The following ADAMTSL1 variants were observed in gnomAD, a reference collection of about 807,000 sequenced individuals.
The protein encoded by ADAMTSL1 is ADAMTS like 1.
ADAMTSL1 carries 126 observed loss-of-function variants against 201.8 expected under a neutral mutation model. The observed-to-expected ratio is 0.62, with a 90% CI of 0.54 to 0.72. The LOEUF is 0.72. ADAMTSL1 is among the 30% of genes least tolerant of loss of function. The probability of loss-of-function intolerance (pLI) is 0.00; values close to 1 mark genes in which losing one functional copy is unlikely to be tolerated. For missense variants in ADAMTSL1, 2,679 were observed against 2,277.8 expected (o/e 1.18, Z -3.59); for synonymous variants, 1,121 against 903.4 (o/e 1.24, Z -4.32).
chr9:18,097,834 T>G (rs1164398717), intron 1 of ADAMTSL1, among the ~76,000 whole-genome samples: 1 of 152,026 alleles, frequency 6.6e-6, no homozygotes, highest in Non-Finnish European at 1.5e-5. Flanking sequence ...TCAAATATAT[T>G]TGTTCACTTT....
chr9:18,908,550 G>A lies in ADAMTSL1; in HGVS notation c.*2G>A. Reference sequence around the variant, plus strand: ...TGTGGAACTTGTGGCAAAGCGTGAAGATAGGGTGTGGGGAAAAACTCTACC... The same window carrying A: ...TGTGGAACTTGTGGCAAAGCGTGAAAATAGGGTGTGGGGAAAAACTCTACC... On this transcript the variant is annotated 3_prime_UTR_variant, in exon 29 of 29. Transcript: ENST00000380548. The A allele has an allele frequency of 1.9e-6, 3 of 1,557,180 alleles. No homozygotes were observed. Among genetic ancestry groups the A allele is most frequent in the Non-Finnish European group, 2.6e-6 (3 of 1,150,208 alleles).
At chr9:18,626,595 GT>G (rs1826371818) in intron 5 of ADAMTSL1, among the ~76,000 whole-genome samples, 2 of 152,194 alleles carry the variant, frequency 1.3e-5, no homozygotes, top group African/African-American at 2.4e-5. Flanking sequence ...ATATTGTGGG[GT>G]TTTTTGTAAG....
intron 2 of ADAMTSL1, among the ~76,000 whole-genome samples, chr9:18,526,557 GTT>G (rs1388248002): frequency 2.0e-5 from 3 of 152,220 alleles, no homozygotes; most frequent in Admixed American, 2.0e-4. Flanking sequence ...AATTTGGCAT[GTT>G]TTTGCAGTGG....
At chr9:18,519,018 T>C (rs1285407020) in intron 2 of ADAMTSL1, among the ~76,000 whole-genome samples, 4 of 152,190 alleles carry the variant, frequency 2.6e-5, no homozygotes, top group African/African-American at 9.7e-5. Context: ...CCTCTCCTGG[T>C]GAGCTCTTTA....
chr9:18,506,647 C>G (rs548188540), intron 2 of ADAMTSL1, among the ~76,000 whole-genome samples: 1 of 152,090 alleles, frequency 6.6e-6, no homozygotes, highest in South Asian at 2.1e-4. Flanking sequence ...TGTTAGGGCT[C>G]TATTATGATA....
intron 23 of ADAMTSL1, among the ~76,000 whole-genome samples, chr9:18,856,743 C>T (rs1826877982): frequency 6.6e-6 from 1 of 152,096 alleles, no homozygotes; most frequent in South Asian, 2.1e-4. Context: ...CAGACGTGAG[C>T]CAGTGTGCCT....
chr9:18,389,167 T>A (rs1321157221), intron 2 of ADAMTSL1, among the ~76,000 whole-genome samples: 27 of 151,406 alleles, frequency 1.8e-4, no homozygotes, highest in Non-Finnish European at 1.0e-4. Context: ...TTTATTTCAA[T>A]AATCCCAATT....
intron 1 of ADAMTSL1, among the ~76,000 whole-genome samples, chr9:18,004,378 C>T (rs972223716): frequency 6.6e-6 from 1 of 151,978 alleles, no homozygotes; most frequent in African/African-American, 2.4e-5. Context: ...AGAGCTCCTT[C>T]TGCAGGTGGT....
intron 17 of ADAMTSL1, among the ~76,000 whole-genome samples, chr9:18,774,129 A>C (rs959602213): frequency 6.6e-6 from 1 of 152,142 alleles, no homozygotes; most frequent in African/African-American, 2.4e-5. Context: ...GCCCTCATTC[A>C]GGCAAGCCTG....
chr9:18,800,147 C>T (rs1043993200), intron 20 of ADAMTSL1, among the ~76,000 whole-genome samples: 19 of 151,996 alleles, frequency 1.3e-4, no homozygotes, highest in African/African-American at 3.4e-4. Flanking sequence ...GAGGCTGAGG[C>T]GGGCAGATGG....
chr9:18,522,192 C>A (rs1410474899), intron 2 of ADAMTSL1, among the ~76,000 whole-genome samples: 6 of 152,144 alleles, frequency 3.9e-5, no homozygotes, highest in African/African-American at 1.4e-4. Flanking sequence ...CTAACAGGTA[C>A]TATGCTCACT....
At chr9:18,698,361 G>A (rs1037238298) in intron 13 of ADAMTSL1, among the ~76,000 whole-genome samples, 3 of 152,032 alleles carry the variant, frequency 2.0e-5, no homozygotes, top group African/African-American at 7.3e-5. Context: ...TCGGCTCACT[G>A]CAACCTCCAC....
At chr9:18,831,264 G>A (rs1224553426) in intron 23 of ADAMTSL1, among the ~76,000 whole-genome samples, 1 of 152,168 alleles carries the variant, frequency 6.6e-6, no homozygotes, top group Non-Finnish European at 1.5e-5. Context: ...ATATCTTGTT[G>A]ATCAGAATTA....
At chr9:18,164,370 C>T (rs1440108846) in intron 2 of ADAMTSL1, among the ~76,000 whole-genome samples, 1 of 151,820 alleles carries the variant, frequency 6.6e-6, no homozygotes, top group Non-Finnish European at 1.5e-5. Flanking sequence ...CACTGTCTTC[C>T]AATCCTGGCT....
chr9:18,389,282 T>C (rs1303209061), intron 2 of ADAMTSL1, among the ~76,000 whole-genome samples: 1 of 152,190 alleles, frequency 6.6e-6, no homozygotes, highest in African/African-American at 2.4e-5. Flanking sequence ...GCCATGTCAA[T>C]AAATTATTTC....
Position 18,826,300 on chromosome 9 carries a change from A to G in ADAMTSL1, c.3951A>G (p.Glu1317=). ...TCTTCCTAGGAGTGCCTGAAGCTGAAGTCACTTGGTTCAGGAATAAAAGCA... is the reference window on the plus strand; with the variant it reads ...TCTTCCTAGGAGTGCCTGAAGCTGAGGTCACTTGGTTCAGGAATAAAAGCA... ...NCQVAGVPEA[E]VTWFRNKSKL... is the part of the protein sequence containing the mutation. The change falls in exon 22 of 29, where the codon GAA becomes GAG. Residue 1317 remains glutamate (E), a synonymous_variant. Coordinates refer to ENST00000380548, the MANE Select transcript of ADAMTSL1 (RefSeq NM_001040272.6). 1 of 1,612,078 alleles carries G rather than the reference A, an allele frequency of 6.2e-7. No homozygotes were observed.
chr9:18,380,198 G>T (rs1476640913), intron 2 of ADAMTSL1, among the ~76,000 whole-genome samples: 1 of 151,994 alleles, frequency 6.6e-6, no homozygotes, highest in African/African-American at 2.4e-5. Context: ...TAATTTGAAT[G>T]TTATATTGTC....
intron 2 of ADAMTSL1, among the ~76,000 whole-genome samples, chr9:18,295,675 C>T (rs1306403851): frequency 6.6e-6 from 1 of 152,120 alleles, no homozygotes; most frequent in African/African-American, 2.4e-5. Context: ...GTCTTCATTC[C>T]CTTGGAAAAT....
At chr9:18,260,182 G>A (rs1026784515) in intron 2 of ADAMTSL1, among the ~76,000 whole-genome samples, 1 of 152,168 alleles carries the variant, frequency 6.6e-6, no homozygotes, top group Non-Finnish European at 1.5e-5. Flanking sequence ...ATACCACCAT[G>A]GATGGTAAAA....
Sources: allele counts gnomAD v4.1 joint callset (sites outside exome capture counted in the v4.1 genomes callset), GRCh38; gene constraint gnomAD v4.1.1; transcripts MANE v1.5; gene names NCBI Gene and HGNC (gene_info 2026-07-23, HGNC 2026-07-21).